The following CSMD3 variants were observed in gnomAD, a reference collection of about 807,000 sequenced individuals.
CSMD3 encodes CUB and Sushi multiple domains 3.
A neutral mutation model predicts 435.2 loss-of-function variants in CSMD3; 177 were observed. The ratio of observed to expected loss-of-function variants is 0.41; its 90% CI spans 0.36 to 0.46. CSMD3 has a LOEUF of 0.46. Ranked by LOEUF, CSMD3 falls within the 20% of genes least tolerant of loss-of-function variation. CSMD3 has a pLI of 0.34. For missense variants in CSMD3, 4,265 were observed against 4,504.6 expected (o/e 0.95, Z 1.52); for synonymous variants, 1,656 against 1,520.5 (o/e 1.09, Z -2.07).
Position 112,801,077 on chromosome 8 carries a change from A to T in CSMD3, c.1860-803T>A, listed in dbSNP as rs546229890. Among the ~76,000 whole-genome samples the T allele has an allele frequency of 1.3e-4, 20 of 152,174 alleles. No individual in the cohort carries two copies. In the South Asian group the frequency reaches 1.7e-3, roughly 13 times the overall value. ...GAAAAAATGGATTCACTGCAGAGTA[A>T]ATGTCCACATTGATAAGAGATTCTA... is the stretch of plus-strand genomic sequence containing the variant. On this transcript the variant is annotated intron_variant, in intron 12 of 70. Coordinates refer to ENST00000297405, the MANE Select transcript of CSMD3 (RefSeq NM_198123.2).
At chr8:113,235,183 T>C (rs1028118285) in intron 3 of CSMD3, among the ~76,000 whole-genome samples, 5 of 151,962 alleles carry the variant, frequency 3.3e-5, no homozygotes, top group Admixed American at 2.6e-4. Context: ...ACACTAGTAA[T>C]GTTTAGTAGA....
chr8:113,219,831 T>C (rs1437385736), intron 3 of CSMD3, among the ~76,000 whole-genome samples: 1 of 151,292 alleles, frequency 6.6e-6, no homozygotes, highest in Non-Finnish European at 1.5e-5. Flanking sequence ...CAAAGGAAAA[T>C]ACATAATAAG....
chr8:112,680,231 A>C (rs2075858472), intron 16 of CSMD3, among the ~76,000 whole-genome samples: 1 of 152,030 alleles, frequency 6.6e-6, no homozygotes, highest in African/African-American at 2.4e-5. Context: ...GGTGATGTGC[A>C]CCTATAGTCC....
At chr8:113,377,119 C>T (rs16884568) in intron 1 of CSMD3, 2 of 1,260,204 alleles carry the variant, frequency 1.6e-6, no homozygotes, top group South Asian at 2.9e-5. Context: ...CGGCGTCGTC[C>T]GGCTCTCCGG....
intron 3 of CSMD3, among the ~76,000 whole-genome samples, chr8:113,236,230 G>A (rs1175711166): frequency 1.3e-5 from 2 of 152,172 alleles, no homozygotes; most frequent in South Asian, 4.1e-4. Context: ...ACTTGACCTT[G>A]CCAGTATTTT....
chr8:113,303,528 T>A (rs1422783901), intron 2 of CSMD3, among the ~76,000 whole-genome samples: 1 of 150,454 alleles, frequency 6.6e-6, no homozygotes, highest in Non-Finnish European at 1.5e-5. Context: ...AAGGCTACAG[T>A]AACCAAAACA....
chr8:112,551,297 T>C (rs1248709499), intron 26 of CSMD3, among the ~76,000 whole-genome samples: 3 of 152,114 alleles, frequency 2.0e-5, no homozygotes, highest in Admixed American at 6.6e-5. Flanking sequence ...AAATGGAGTT[T>C]AGATAAATGA....
rs142309902 is a variant in CSMD3 at position 112,608,584 on chromosome 8, C to CTA, written c.3716-21351_3716-21350dup. ...TGATACCAGCACACTGGCATGAAAA[C>CTA]TATATATATATATATACATACACAC... On this transcript the variant is annotated intron_variant, in intron 22 of 70. Coordinates refer to ENST00000297405, the MANE Select transcript of CSMD3 (RefSeq NM_198123.2). Among the ~76,000 whole-genome samples, 1,176 of 149,108 alleles carry CTA rather than the reference C, an allele frequency of 7.9e-3. 8 individuals are homozygous for CTA. Among genetic ancestry groups the CTA allele is most frequent in the African/African-American group, 0.017 (702 of 40,848 alleles).
At chr8:112,455,823 A>G (rs1330789380) in intron 32 of CSMD3, among the ~76,000 whole-genome samples, 1 of 152,042 alleles carries the variant, frequency 6.6e-6, no homozygotes, top group Non-Finnish European at 1.5e-5. Flanking sequence ...AAACTGTCTC[A>G]TGGCAATTCC....
At chr8:113,044,145 G>T (rs1412038109) in intron 5 of CSMD3, among the ~76,000 whole-genome samples, 3 of 152,014 alleles carry the variant, frequency 2.0e-5, no homozygotes, top group African/African-American at 7.2e-5. Flanking sequence ...ATGAAGAAAT[G>T]AGGATAATTA....
chr8:112,454,561 A>G (rs1411375432), intron 32 of CSMD3, among the ~76,000 whole-genome samples: 1 of 152,226 alleles, frequency 6.6e-6, no homozygotes, highest in Non-Finnish European at 1.5e-5. Context: ...ATTAGTCAGA[A>G]TGGTTATTAT....
At chr8:112,865,738 T>G (rs917682543) in intron 10 of CSMD3, among the ~76,000 whole-genome samples, 2 of 150,720 alleles carry the variant, frequency 1.3e-5, no homozygotes, top group African/African-American at 4.9e-5. Flanking sequence ...AGACCATTGT[T>G]TATTGTCTGT....
intron 35 of CSMD3, among the ~76,000 whole-genome samples, chr8:112,403,776 G>C (rs1354132006): frequency 6.6e-6 from 1 of 151,984 alleles, no homozygotes; most frequent in Non-Finnish European, 1.5e-5. Flanking sequence ...GGGGCGGTGG[G>C]GTGAGGGAGA....
chr8:112,986,821 T>C lies in CSMD3; in HGVS notation c.1031-10673A>G, dbSNP rs761277479. On this transcript the variant is annotated intron_variant, in intron 6 of 70. Coordinates refer to ENST00000297405, the MANE Select transcript of CSMD3 (RefSeq NM_198123.2). Reference sequence around the variant, plus strand: ...TACCCAACCTCACAATATCGAGTAATACTTTTTGACCTGTTAGTCTTTTTT... The same window carrying C: ...TACCCAACCTCACAATATCGAGTAACACTTTTTGACCTGTTAGTCTTTTTT... 4.6e-5 allele frequency among the ~76,000 whole-genome samples: 7 copies of C among 152,198 alleles called. No homozygotes were observed. In the South Asian group the frequency reaches 6.2e-4, roughly 14 times the overall value.
intron 2 of CSMD3, among the ~76,000 whole-genome samples, chr8:113,293,513 T>A (rs1330301464): frequency 1.3e-5 from 2 of 152,096 alleles, no homozygotes; most frequent in African/African-American, 4.8e-5. Context: ...CATCTGCTGA[T>A]GGTCCTCCCC....
chr8:112,327,127 A>T (rs1320830117), intron 45 of CSMD3, among the ~76,000 whole-genome samples: 3 of 152,232 alleles, frequency 2.0e-5, no homozygotes, highest in Non-Finnish European at 4.4e-5. Context: ...AACACACTGT[A>T]TCATCCTATA....
intron 13 of CSMD3, among the ~76,000 whole-genome samples, chr8:112,797,652 T>C (rs1177826418): frequency 6.6e-6 from 1 of 151,822 alleles, no homozygotes; most frequent in African/African-American, 2.4e-5. Context: ...TTTTAGCAGG[T>C]GTTCCATTTA....
chr8:112,381,139 T>C (rs1046418622), intron 37 of CSMD3, among the ~76,000 whole-genome samples: 5 of 152,214 alleles, frequency 3.3e-5, no homozygotes, highest in African/African-American at 1.2e-4. Context: ...CTTTTAATAA[T>C]GAATTAAAGT....
intron 6 of CSMD3, among the ~76,000 whole-genome samples, chr8:112,987,682 T>C (rs1185088937): frequency 1.3e-5 from 2 of 152,138 alleles, no homozygotes; most frequent in Non-Finnish European, 2.9e-5. Flanking sequence ...CAATACAGTA[T>C]AGCATGTAAA....
Sources: gnomAD v4.1 joint callset for allele counts (sites outside exome capture counted in the v4.1 genomes callset) on GRCh38, gnomAD v4.1.1 for gene constraint, MANE v1.5 for transcripts, NCBI Gene and HGNC (gene_info 2026-07-23, HGNC 2026-07-21) for gene names.